The following SLC9D1 variants were observed in gnomAD, a reference collection of about 807,000 sequenced individuals.
The protein encoded by SLC9D1 is putative LAG1-interacting protein.
chr13:113,526,367 G>C, the SLC9D1 span, among the ~76,000 whole-genome samples: 1 of 152,162 alleles, frequency 6.6e-6, no homozygotes, highest in African/African-American at 2.4e-5. Context: ...AGTTTATAAA[G>C]TTAAAAAGTT....
At chr13:113,496,022 A>T in the SLC9D1 span, 1 of 1,606,982 alleles carries the variant, frequency 6.2e-7, no homozygotes, top group Non-Finnish European at 8.5e-7. Context: ...AGGCTGCAAT[A>T]AAGGTCAGTC....
chr13:113,543,114 C>T, the SLC9D1 span, among the ~76,000 whole-genome samples: 4 of 103,516 alleles, frequency 3.9e-5, no homozygotes, highest in Admixed American at 1.0e-4. Flanking sequence ...CCCCTGCCCC[C>T]AGCCCTCCCT....
the SLC9D1 span, among the ~76,000 whole-genome samples, chr13:113,492,281 A>G: frequency 2.0e-5 from 3 of 152,238 alleles, no homozygotes; most frequent in Non-Finnish European, 4.4e-5. Flanking sequence ...CAGCAGTGGC[A>G]TTAACCACCG....
the SLC9D1 span, among the ~76,000 whole-genome samples, chr13:113,502,744 C>T: frequency 4.6e-5 from 7 of 152,148 alleles, no homozygotes; most frequent in African/African-American, 1.7e-4. Flanking sequence ...GGAGGCGTGC[C>T]AGGGGGTGGG....
At chr13:113,511,935 A>C in the SLC9D1 span, 9 of 151,060 alleles carry the variant, frequency 6.0e-5, no homozygotes, top group African/African-American at 2.2e-4. Context: ...ATACACTCGG[A>C]GTCACGGAGG....
the SLC9D1 span, chr13:113,505,599 A>AAAG: frequency 6.6e-6 from 1 of 152,286 alleles, no homozygotes; most frequent in Non-Finnish European, 1.5e-5. Context: ...CGGCAATGTA[A>AAAG]AAGAAGCACC....
the SLC9D1 span, among the ~76,000 whole-genome samples, chr13:113,519,679 C>T: frequency 6.6e-6 from 1 of 151,340 alleles, no homozygotes; most frequent in South Asian, 2.1e-4. Flanking sequence ...ATTTGGACAC[C>T]AAGTCTGTGT....
chr13:113,538,920 G>A, the SLC9D1 span, among the ~76,000 whole-genome samples: 69 of 152,212 alleles, frequency 4.5e-4, no homozygotes, highest in Non-Finnish European at 7.8e-4. Flanking sequence ...GATGCTTCTC[G>A]CTGGCTTCGT....
chr13:113,501,692 C>A, the SLC9D1 span: 3 of 1,411,762 alleles, frequency 2.1e-6, no homozygotes, highest in Non-Finnish European at 2.9e-6. Flanking sequence ...CTCAGCCAGC[C>A]AGCCCCCTTC....
chr13:113,510,915 C>T, the SLC9D1 span, among the ~76,000 whole-genome samples: 39 of 152,310 alleles, frequency 2.6e-4, no homozygotes, highest in African/African-American at 8.4e-4. Context: ...GCTTCTAAGT[C>T]GTGACTGTTT....
the SLC9D1 span, among the ~76,000 whole-genome samples, chr13:113,549,256 AC>A: frequency 2.0e-5 from 3 of 147,010 alleles, no homozygotes; most frequent in African/African-American, 7.6e-5. Context: ...TCCATCCCCC[AC>A]CCCCCCGTGC....
chr13:113,497,191 A>G, the SLC9D1 span, among the ~76,000 whole-genome samples: 243 of 151,490 alleles, frequency 1.6e-3, no homozygotes, highest in African/African-American at 5.5e-3. Flanking sequence ...GCTGTGTGCT[A>G]ACACCTGTAG....
the SLC9D1 span, chr13:113,498,386 A>G: frequency 1.0e-5 from 16 of 1,565,632 alleles, no homozygotes; most frequent in African/African-American, 1.8e-4. Flanking sequence ...AAAAACATCA[A>G]GTTGAAGCCC....
the SLC9D1 span, among the ~76,000 whole-genome samples, chr13:113,533,335 G>C: frequency 1.3e-5 from 2 of 152,178 alleles, no homozygotes; most frequent in Admixed American, 6.5e-5. Flanking sequence ...AATCATGGCA[G>C]TTTGAGATTT....
the SLC9D1 span, chr13:113,527,966 CTG>C: frequency 6.6e-6 from 1 of 152,180 alleles, no homozygotes; most frequent in East Asian, 1.9e-4. Context: ...TTTATTATGA[CTG>C]TATTTTTTTA....
At chr13:113,520,554 A>G in the SLC9D1 span, 1 of 1,194,714 alleles carries the variant, frequency 8.4e-7, no homozygotes. Context: ...CAATGGCAAT[A>G]TTTTGACTTT....
chr13:113,498,395 C>A, the SLC9D1 span: 7 of 1,574,920 alleles, frequency 4.4e-6, no homozygotes, highest in African/African-American at 8.4e-5. Context: ...AAGTTGAAGC[C>A]CTTAAAAATA....
the SLC9D1 span, chr13:113,534,564 G>A: frequency 2.8e-6 from 1 of 354,800 alleles, no homozygotes; most frequent in Non-Finnish European, 5.1e-6. Flanking sequence ...TGAGGCAGGA[G>A]AATCACTTGA....
the SLC9D1 span, chr13:113,510,296 G>C: frequency 8.7e-6 from 14 of 1,614,196 alleles, no homozygotes; most frequent in East Asian, 3.1e-4. Context: ...ATTGCATTTG[G>C]CTTGCTGTGG....
Sources: allele counts gnomAD v4.1 joint callset (sites outside exome capture counted in the v4.1 genomes callset), GRCh38; gene constraint gnomAD v4.1.1; transcripts MANE v1.5; gene names NCBI Gene and HGNC (gene_info 2026-07-23, HGNC 2026-07-21).